Variants in SHROOM3 observed in about 807,000 individuals in gnomAD.
SHROOM3 encodes protein Shroom3.
A neutral mutation model predicts 138.6 loss-of-function variants in SHROOM3; 47 were observed. The observed-to-expected ratio is 0.34, with a 90% confidence interval of 0.27 to 0.43. The LOEUF (loss-of-function observed/expected upper bound fraction) is 0.43. Among genes scored for constraint, SHROOM3 ranks in the 20% least tolerant of loss-of-function variants. The pLI is 1.00. For missense variants in SHROOM3, 2,491 were observed against 2,596.5 expected (o/e 0.96, Z 0.88); for synonymous variants, 1,062 against 1,063.3 (o/e 1.00, Z 0.02).
chr4:76,481,319 T>C (rs1314223820), intron 1 of SHROOM3, among the ~76,000 whole-genome samples: 1 of 151,970 alleles, frequency 6.6e-6, no homozygotes, highest in Non-Finnish European at 1.5e-5. Flanking sequence ...CCCACAGAAA[T>C]GCAAACTACC....
chr4:76,490,461 T>C (rs1263604749), intron 1 of SHROOM3, among the ~76,000 whole-genome samples: 1 of 152,138 alleles, frequency 6.6e-6, no homozygotes, highest in African/African-American at 2.4e-5. Context: ...TTCACCATGT[T>C]AGCCAGGATG....
intron 3 of SHROOM3, among the ~76,000 whole-genome samples, chr4:76,714,893 C>G (rs1323583212): frequency 2.6e-5 from 4 of 151,870 alleles, no homozygotes; most frequent in African/African-American, 9.7e-5. Flanking sequence ...TTTTGTTGTT[C>G]AAATGGATCT....
intron 1 of SHROOM3, among the ~76,000 whole-genome samples, chr4:76,467,234 A>G (rs1158894464): frequency 6.6e-6 from 1 of 151,828 alleles, no homozygotes; most frequent in Non-Finnish European, 1.5e-5. Flanking sequence ...TTTGGTAGAG[A>G]TGGGGTTTCA....
At chr4:76,591,231 C>T (rs1305903762) in intron 2 of SHROOM3, among the ~76,000 whole-genome samples, 2 of 152,184 alleles carry the variant, frequency 1.3e-5, no homozygotes, top group East Asian at 1.9e-4. Flanking sequence ...GGAAGGCACA[C>T]GGCCTGTCAG....
rs549046211 is a variant in SHROOM3, at chr4:76,561,686, T to TAAA, written c.323+5942_323+5944dup. On this transcript the variant is annotated intron_variant, in intron 2 of 10. Coordinates refer to ENST00000296043, the MANE Select transcript of SHROOM3 (RefSeq NM_020859.4). ...CTCCTTTTAGAAATATCTGTGATGCTAAAAAAAAAAAAAAAAAAAAAGAGA... is the reference window on the plus strand; with the variant it reads ...CTCCTTTTAGAAATATCTGTGATGCTAAAAAAAAAAAAAAAAAAAAAAAAGAGA... Among the ~76,000 whole-genome samples the TAAA allele has an allele frequency of 5.5e-3, 491 of 89,342 alleles. 4 individuals are homozygous for TAAA. The highest frequency in any genetic ancestry group is 0.02 in the African/African-American group (443 of 22,074). The allele number at this position is 89,342 out of a possible 152,430, so 58.6% of individuals were successfully genotyped here. A position where few individuals can be genotyped will look rare whatever the true frequency, so the allele number is the denominator to read the frequency against.
intron 2 of SHROOM3, among the ~76,000 whole-genome samples, chr4:76,680,233 T>C (rs1371300886): frequency 6.6e-6 from 1 of 151,426 alleles, no homozygotes; most frequent in Non-Finnish European, 1.5e-5. Flanking sequence ...CTCCGCCTCC[T>C]GGGTTCACGC....
At chr4:76,686,674 A>C (rs1383723270) in intron 2 of SHROOM3, among the ~76,000 whole-genome samples, 2 of 152,166 alleles carry the variant, frequency 1.3e-5, no homozygotes, top group Non-Finnish European at 2.9e-5. Context: ...ATCTATATGA[A>C]TCAGACCCTC....
intron 2 of SHROOM3, among the ~76,000 whole-genome samples, chr4:76,567,610 A>G (rs571185044): frequency 2.0e-5 from 3 of 152,326 alleles, no homozygotes; most frequent in African/African-American, 7.2e-5. Context: ...AGATCGTGCC[A>G]CTGCACTCCA....
intron 10 of SHROOM3, among the ~76,000 whole-genome samples, chr4:76,778,162 G>A (rs1722631321): frequency 6.6e-6 from 1 of 151,766 alleles, no homozygotes; most frequent in East Asian, 1.9e-4. Flanking sequence ...ACTGCTGCTG[G>A]TCCAGCAACC....
chr4:76,709,123 G>A (rs1720152289), intron 2 of SHROOM3, among the ~76,000 whole-genome samples: 6 of 152,140 alleles, frequency 3.9e-5, no homozygotes, highest in Admixed American at 2.6e-4. Context: ...TTTCACTTCC[G>A]TTCTGTGTTC....
intron 1 of SHROOM3, among the ~76,000 whole-genome samples, chr4:76,453,332 G>A (rs1730963548): frequency 6.6e-6 from 1 of 151,456 alleles, no homozygotes; most frequent in Admixed American, 6.6e-5. Flanking sequence ...AGGCTAGAGT[G>A]GTGTCACATG....
chr4:76,538,728 T>G (rs1300562103), intron 1 of SHROOM3, among the ~76,000 whole-genome samples: 1 of 151,616 alleles, frequency 6.6e-6, no homozygotes, highest in African/African-American at 2.4e-5. Flanking sequence ...CAACATGTAT[T>G]TGTTCTTTTG....
intron 6 of SHROOM3, among the ~76,000 whole-genome samples, chr4:76,751,176 C>G (rs1354994247): frequency 6.6e-6 from 1 of 152,096 alleles, no homozygotes; most frequent in Non-Finnish European, 1.5e-5. Context: ...TTTCTAAAGG[C>G]TTGCATGGTC....
chr4:76,518,573 G>GC (rs1335676244), intron 1 of SHROOM3, among the ~76,000 whole-genome samples: 1,088 of 106,224 alleles, frequency 0.01, 14 homozygotes, highest in African/African-American at 0.039. Flanking sequence ...CTTCTTGCCT[G>GC]CTTGCCTGCC....
intron 1 of SHROOM3, among the ~76,000 whole-genome samples, chr4:76,443,933 AT>A (rs1314689953): frequency 6.6e-6 from 1 of 151,864 alleles, no homozygotes; most frequent in Non-Finnish European, 1.5e-5. Context: ...TTATGAGATT[AT>A]TTATTTATTT....
intron 2 of SHROOM3, among the ~76,000 whole-genome samples, chr4:76,685,174 T>A (rs928241651): frequency 1.3e-5 from 2 of 152,224 alleles, no homozygotes; most frequent in African/African-American, 2.4e-5. Flanking sequence ...GTGTTGTTTA[T>A]ATTGGTCATT....
intron 2 of SHROOM3, among the ~76,000 whole-genome samples, chr4:76,701,996 A>G (rs1266079232): frequency 1.3e-5 from 2 of 152,234 alleles, no homozygotes; most frequent in Non-Finnish European, 1.5e-5. Context: ...TTTGCAAGAC[A>G]TAGAAAAGAG....
intron 1 of SHROOM3, among the ~76,000 whole-genome samples, chr4:76,471,272 C>G (rs1451377687): frequency 6.9e-6 from 1 of 144,750 alleles, no homozygotes; most frequent in Non-Finnish European, 1.5e-5. Flanking sequence ...GAGATGGAGT[C>G]TCACTCTGTC....
intron 10 of SHROOM3, among the ~76,000 whole-genome samples, chr4:76,777,581 C>T (rs1560627153): frequency 6.6e-6 from 1 of 152,058 alleles, no homozygotes; most frequent in Non-Finnish European, 1.5e-5. Flanking sequence ...TTTGGATGCC[C>T]TTTCTTTCTT....
Sources: gnomAD v4.1 joint callset for allele counts (sites outside exome capture counted in the v4.1 genomes callset) on GRCh38, gnomAD v4.1.1 for gene constraint, MANE v1.5 for transcripts, NCBI Gene and HGNC (gene_info 2026-07-23, HGNC 2026-07-21) for gene names.